Variants in AFF3 observed in about 807,000 individuals in gnomAD.
The protein encoded by AFF3 is AF4/FMR2 family member 3.
AFF3 carries 32 observed loss-of-function variants against 129.7 expected under a neutral mutation model. The observed-to-expected ratio is 0.25, with a 90% CI of 0.19 to 0.33. The LOEUF is 0.33. AFF3 is among the 10% of genes least tolerant of loss of function. AFF3 has a pLI of 1.00. For synonymous variants in AFF3, 644 were observed against 635.4 expected, an observed-to-expected ratio of 1.01 and a Z score of -0.20; for missense variants, 1,373 against 1,592.0, an observed-to-expected ratio of 0.86 and a Z score of 2.34.
intron 11 of AFF3, among the ~76,000 whole-genome samples, chr2:99,719,968 C>T (rs1210748808): frequency 2.6e-5 from 4 of 152,090 alleles, no homozygotes; most frequent in African/African-American, 4.8e-5. Context: ...ACCCGGGAGG[C>T]GGAGCTTGCA....
rs1455218152 is a variant in AFF3, at chr2:100,007,168, G to A, written c.467C>T (p.Ser156Phe). 6.2e-7 allele frequency: 1 copy of A among 1,614,072 alleles called. No individual in the cohort carries two copies. Among genetic ancestry groups the A allele is most frequent in the East Asian group, 2.2e-5 (1 of 44,896 alleles). Residue 156 changes from serine to phenylalanine, a missense_variant, in exon 6 of 25, where the codon TCT (serine) becomes TTT (phenylalanine). Transcript: ENST00000672756. The part of the protein sequence containing the change: ...MGWQKAGHPP[S>F]DGQQRATQQG... ...CTTACTTGCTCTCTGTTGGCCGTCA[G>A]AGGGTGGGTGCCCAGCCTTCTGCCA...
chr2:99,627,205 C>T (rs1163847525), intron 13 of AFF3, among the ~76,000 whole-genome samples: 1 of 152,084 alleles, frequency 6.6e-6, no homozygotes, highest in Non-Finnish European at 1.5e-5. Context: ...CAGTGTATAA[C>T]GTTCCTTTTT....
chr2:99,552,216 T>C (rs1039026439), intron 24 of AFF3, among the ~76,000 whole-genome samples: 1 of 152,048 alleles, frequency 6.6e-6, no homozygotes, highest in Non-Finnish European at 1.5e-5. Flanking sequence ...CAAAACCCTG[T>C]CTCTACTAAA....
intron 7 of AFF3, among the ~76,000 whole-genome samples, chr2:100,002,301 G>C (rs924285719): frequency 2.0e-5 from 3 of 152,186 alleles, no homozygotes; most frequent in African/African-American, 7.2e-5. Context: ...AGGTAACCAA[G>C]AGTGACAGGA....
intron 11 of AFF3, among the ~76,000 whole-genome samples, chr2:99,700,594 A>G (rs1291853616): frequency 6.6e-6 from 1 of 152,182 alleles, no homozygotes; most frequent in Non-Finnish European, 1.5e-5. Context: ...TTTGGTTTAT[A>G]TCTCTTATTA....
At chr2:99,833,827 T>C (rs1453077230) in intron 8 of AFF3, among the ~76,000 whole-genome samples, 2 of 152,224 alleles carry the variant, frequency 1.3e-5, no homozygotes, top group Non-Finnish European at 2.9e-5. Flanking sequence ...TGAAGCCTTC[T>C]AGCCCTGATC....
intron 7 of AFF3, among the ~76,000 whole-genome samples, chr2:99,952,292 G>A (rs575373043): frequency 1.3e-5 from 2 of 152,246 alleles, no homozygotes; most frequent in East Asian, 1.9e-4. Context: ...AGACATGTCA[G>A]CTTCCCCTTT....
intron 12 of AFF3, among the ~76,000 whole-genome samples, chr2:99,651,267 C>A (rs1685225964): frequency 6.6e-6 from 1 of 151,982 alleles, no homozygotes; most frequent in South Asian, 2.1e-4. Context: ...ATTTTTCACC[C>A]ATTTGCCTTC....
At chr2:99,738,703 G>A (rs936880268) in intron 10 of AFF3, among the ~76,000 whole-genome samples, 19 of 152,062 alleles carry the variant, frequency 1.2e-4, no homozygotes, top group Non-Finnish European at 8.8e-5. Flanking sequence ...CCTATCCTTT[G>A]TAGGGAAGAG....
chr2:99,976,181 T>A (rs1326342223), intron 7 of AFF3, among the ~76,000 whole-genome samples: 1 of 152,100 alleles, frequency 6.6e-6, no homozygotes, highest in Non-Finnish European at 1.5e-5. Flanking sequence ...TCAATTTAAA[T>A]TAAATTAAAT....
intron 7 of AFF3, among the ~76,000 whole-genome samples, chr2:99,912,769 G>A (rs1237219403): frequency 6.6e-6 from 1 of 152,124 alleles, no homozygotes; most frequent in African/African-American, 2.4e-5. Flanking sequence ...TTTTTGCCCT[G>A]CCAAAATTGC....
At chr2:99,920,442 T>A (rs993319132) in intron 7 of AFF3, among the ~76,000 whole-genome samples, 4 of 152,084 alleles carry the variant, frequency 2.6e-5, no homozygotes, top group African/African-American at 7.2e-5. Flanking sequence ...ATCATTTCAG[T>A]AGACTCAGGG....
At chr2:99,761,206 G>C (rs1470566997) in intron 8 of AFF3, among the ~76,000 whole-genome samples, 5 of 147,572 alleles carry the variant, frequency 3.4e-5, no homozygotes, top group African/African-American at 1.3e-4. Context: ...TTTTGTATAG[G>C]CTTATAATGC....
At chr2:99,897,832 T>C (rs958975804) in intron 7 of AFF3, among the ~76,000 whole-genome samples, 2 of 152,194 alleles carry the variant, frequency 1.3e-5, no homozygotes, top group Non-Finnish European at 2.9e-5. Flanking sequence ...AAACACTGAA[T>C]TGAAATACGT....
intron 8 of AFF3, among the ~76,000 whole-genome samples, chr2:99,773,562 G>A (rs940622338): frequency 2.0e-5 from 3 of 151,944 alleles, no homozygotes; most frequent in Non-Finnish European, 4.4e-5. Context: ...GGTGTGATGG[G>A]GGTGGGGAAT....
intron 4 of AFF3, among the ~76,000 whole-genome samples, chr2:100,023,933 T>A (rs1337538868): frequency 6.6e-6 from 1 of 152,122 alleles, no homozygotes; most frequent in Non-Finnish European, 1.5e-5. Flanking sequence ...CTATTCATAT[T>A]TAGAATTTCA....
chr2:99,595,357 G>A (rs978868082), intron 14 of AFF3, among the ~76,000 whole-genome samples: 1 of 152,150 alleles, frequency 6.6e-6, no homozygotes, highest in Admixed American at 6.5e-5. Flanking sequence ...TTTGGCTAAG[G>A]TGATGTGTTT....
At chr2:99,714,418 A>G (rs537137604) in intron 11 of AFF3, among the ~76,000 whole-genome samples, 1 of 152,284 alleles carries the variant, frequency 6.6e-6, no homozygotes, top group Non-Finnish European at 1.5e-5. Context: ...TTGGTTTCCA[A>G]TAGTTGGAGA....
rs188762247 is a variant in AFF3, at chr2:99,982,728, A to T, written c.873+23904T>A. Among the ~76,000 whole-genome samples the T allele has an allele frequency of 1.6e-3, 239 of 152,340 alleles. 1 individual carries two copies. The highest frequency in any genetic ancestry group is 5.5e-3 in the African/African-American group (230 of 41,578). On this transcript the variant is annotated intron_variant, in intron 7 of 24. Transcript: ENST00000672756. ...ACTGAATCGACTAGACATTTGTAGA[A>T]AACTTTAAATGTGGAGTTTTTAACT...
Sources: allele counts gnomAD v4.1 joint callset (sites outside exome capture counted in the v4.1 genomes callset), GRCh38; gene constraint gnomAD v4.1.1; transcripts MANE v1.5; gene names NCBI Gene and HGNC (gene_info 2026-07-23, HGNC 2026-07-21).